Variants in CLSTN2 observed in about 807,000 individuals in gnomAD.
CLSTN2 encodes calsyntenin 2.
Under a neutral mutation model 101.2 loss-of-function variants are expected in CLSTN2, and 48 were observed. The observed-to-expected ratio is 0.47, with a 90% CI of 0.38 to 0.60. CLSTN2 has a LOEUF of 0.60. CLSTN2 is among the 20% of genes least tolerant of loss of function. The pLI, the probability that CLSTN2 is intolerant of heterozygous loss-of-function variation, is 0.00. For missense variants in CLSTN2, 1,160 were observed against 1,238.2 expected, an observed-to-expected ratio of 0.94 and a Z score of 0.95; for synonymous variants, 481 against 463.6, an observed-to-expected ratio of 1.04 and a Z score of -0.48.
intron 8 of CLSTN2, among the ~76,000 whole-genome samples, chr3:140,530,694 T>G (rs1392849952): frequency 2.6e-5 from 4 of 152,174 alleles, no homozygotes; most frequent in Non-Finnish European, 5.9e-5. Context: ...ACAGAGAGGA[T>G]GGTCACCGTG....
intron 1 of CLSTN2, among the ~76,000 whole-genome samples, chr3:139,992,983 C>T (rs984165156): frequency 1.3e-5 from 2 of 152,168 alleles, no homozygotes; most frequent in African/African-American, 4.8e-5. Context: ...ATTTTATTTT[C>T]CCTTTTTGCA....
chr3:140,318,351 G>T (rs949378243), intron 2 of CLSTN2, among the ~76,000 whole-genome samples: 3 of 152,202 alleles, frequency 2.0e-5, no homozygotes, highest in African/African-American at 7.2e-5. Flanking sequence ...TGGTTGTGGG[G>T]AGAGCAAAGG....
chr3:140,292,154 G>A (rs1019263133), intron 2 of CLSTN2, among the ~76,000 whole-genome samples: 2 of 152,104 alleles, frequency 1.3e-5, no homozygotes, highest in African/African-American at 2.4e-5. Flanking sequence ...TGCCTCCCAA[G>A]CACTCCTCTT....
At chr3:140,171,773 A>G (rs1342348201) in intron 1 of CLSTN2, among the ~76,000 whole-genome samples, 1 of 94,458 alleles carries the variant, frequency 1.1e-5, no homozygotes, top group Non-Finnish European at 1.9e-5. Context: ...AATATATAAT[A>G]TGTATTATAT....
intron 2 of CLSTN2, among the ~76,000 whole-genome samples, chr3:140,341,859 A>G (rs139270648): frequency 3.5e-4 from 53 of 152,310 alleles, no homozygotes; most frequent in Middle Eastern, 3.4e-3. Flanking sequence ...ATGTGTATAT[A>G]TATAATATTT....
intron 1 of CLSTN2, among the ~76,000 whole-genome samples, chr3:139,996,830 C>A (rs1451500526): frequency 6.6e-6 from 1 of 151,894 alleles, no homozygotes; most frequent in African/African-American, 2.4e-5. Flanking sequence ...GGTGGATCAC[C>A]TGAGGTCAGG....
chr3:140,378,541 G>A (rs1284398632), intron 2 of CLSTN2, among the ~76,000 whole-genome samples: 1 of 152,226 alleles, frequency 6.6e-6, no homozygotes, highest in Non-Finnish European at 1.5e-5. Flanking sequence ...TTTATTTATT[G>A]TTGGTGCTAT....
intron 1 of CLSTN2, among the ~76,000 whole-genome samples, chr3:140,171,833 C>T (rs10439960): frequency 2.3e-4 from 13 of 57,048 alleles, no homozygotes; most frequent in Admixed American, 7.0e-4. Flanking sequence ...TATATAATAA[C>T]AATATATAAT....
At chr3:140,442,259 G>T (rs1430667730) in intron 5 of CLSTN2, among the ~76,000 whole-genome samples, 1 of 151,908 alleles carries the variant, frequency 6.6e-6, no homozygotes, top group Non-Finnish European at 1.5e-5. Flanking sequence ...ACCCCTTTTT[G>T]GGGCTTTTAC....
intron 2 of CLSTN2, among the ~76,000 whole-genome samples, chr3:140,194,219 G>T (rs149521693): frequency 6.6e-6 from 1 of 152,094 alleles, no homozygotes; most frequent in South Asian, 2.1e-4. Flanking sequence ...CAAGATCAAG[G>T]TGCTGTCAGT....
chr3:140,206,031 A>C (rs143083447), intron 2 of CLSTN2, among the ~76,000 whole-genome samples: 314 of 152,240 alleles, frequency 2.1e-3, no homozygotes, highest in African/African-American at 7.3e-3. Flanking sequence ...AAAGATATAA[A>C]CTTGAATCCA....
chr3:139,990,439 C>T (rs1305196344), intron 1 of CLSTN2, among the ~76,000 whole-genome samples: 1 of 152,148 alleles, frequency 6.6e-6, no homozygotes, highest in Non-Finnish European at 1.5e-5. Flanking sequence ...CCCCTTACTT[C>T]ATATTTATCC....
At chr3:140,282,956 T>C (rs76243508) in intron 2 of CLSTN2, among the ~76,000 whole-genome samples, 2,719 of 152,246 alleles carry the variant, frequency 0.018, 66 homozygotes, top group African/African-American at 0.061. Context: ...AGAGGAAAAG[T>C]GGGTCCTCAG....
At chr3:140,222,541 T>G (rs1046136357) in intron 2 of CLSTN2, among the ~76,000 whole-genome samples, 11 of 152,320 alleles carry the variant, frequency 7.2e-5, no homozygotes, top group African/African-American at 2.2e-4. Flanking sequence ...ATGATGTGAT[T>G]ATTATGCATT....
At chr3:140,252,229 A>G (rs2086570426) in intron 2 of CLSTN2, among the ~76,000 whole-genome samples, 2 of 152,240 alleles carry the variant, frequency 1.3e-5, no homozygotes, top group Admixed American at 6.5e-5. Flanking sequence ...AGATTAGGCT[A>G]GTGATATGAG....
rs1424878617 is a variant in CLSTN2 at position 140,567,008 on chromosome 3, G to A, written c.*755G>A. 1 of 152,594 alleles carries A rather than the reference G, an allele frequency of 6.6e-6. No individual in the cohort carries two copies. Among genetic ancestry groups the A allele is most frequent in the South Asian group, 2.1e-4 (1 of 4,834 alleles). 9.5% of individuals were successfully genotyped at this position (152,594 alleles called of 1,614,324 possible). On this transcript the variant is annotated 3_prime_UTR_variant, in exon 17 of 17. Coordinates refer to ENST00000458420, the MANE Select transcript of CLSTN2 (RefSeq NM_022131.3). Reference sequence around the variant, plus strand: ...TGCAACCATGCAGCTACCCTGCCAGGGGCACTCAGCAAACAGAACCACAGG... The same window carrying A: ...TGCAACCATGCAGCTACCCTGCCAGAGGCACTCAGCAAACAGAACCACAGG...
At chr3:139,958,660 C>T (rs560278837) in intron 1 of CLSTN2, among the ~76,000 whole-genome samples, 46 of 151,498 alleles carry the variant, frequency 3.0e-4, no homozygotes, top group Non-Finnish European at 5.0e-4. Context: ...TCTAAGTGGT[C>T]GGTGTGTGAT....
At chr3:140,152,099 C>A (rs966649198) in intron 1 of CLSTN2, among the ~76,000 whole-genome samples, 31 of 152,284 alleles carry the variant, frequency 2.0e-4, no homozygotes, top group African/African-American at 7.5e-4. Context: ...AAAATTACAT[C>A]TGTTAGATTA....
At chr3:140,429,019 T>C (rs1430674784) in intron 5 of CLSTN2, among the ~76,000 whole-genome samples, 1 of 152,080 alleles carries the variant, frequency 6.6e-6, no homozygotes, top group African/African-American at 2.4e-5. Context: ...ATGCGGAAAA[T>C]ACTTACTAGA....
Sources: allele counts gnomAD v4.1 joint callset (sites outside exome capture counted in the v4.1 genomes callset), GRCh38; gene constraint gnomAD v4.1.1; transcripts MANE v1.5; gene names NCBI Gene and HGNC (gene_info 2026-07-23, HGNC 2026-07-21).